The following ST6GAL1 variants were observed in gnomAD, a reference collection of about 807,000 sequenced individuals.
ST6GAL1 encodes the protein beta-galactoside alpha-2,6-sialyltransferase 1.
ST6GAL1 carries 20 observed loss-of-function variants against 38.0 expected under a neutral mutation model. The ratio of observed to expected loss-of-function variants is 0.53; its 90% confidence interval spans 0.37 to 0.77. The LOEUF is 0.77. Ranked by LOEUF, ST6GAL1 falls within the 30% of genes least tolerant of loss-of-function variation. The pLI is 0.00. For missense variants in ST6GAL1, 432 were observed against 496.4 expected, an observed-to-expected ratio of 0.87 and a Z score of 1.23; for synonymous variants, 196 against 188.2, an observed-to-expected ratio of 1.04 and a Z score of -0.34.
chr3:186,953,216 T>C (rs1205164412), intron 1 of ST6GAL1, among the ~76,000 whole-genome samples: 3 of 152,144 alleles, frequency 2.0e-5, no homozygotes, highest in Admixed American at 6.5e-5. Flanking sequence ...AGGAAAGGCT[T>C]CCTCTTTTAC....
chr3:187,025,670 G>C (rs1717510446), intron 2 of ST6GAL1, among the ~76,000 whole-genome samples: 1 of 152,156 alleles, frequency 6.6e-6, no homozygotes, highest in Non-Finnish European at 1.5e-5. Context: ...AAGTCTGTCT[G>C]TCTGTGCATG....
At chr3:186,960,296 T>G (rs1229632397) in intron 1 of ST6GAL1, among the ~76,000 whole-genome samples, 1 of 152,118 alleles carries the variant, frequency 6.6e-6, no homozygotes, top group Admixed American at 6.5e-5. Context: ...GAAAGGGGAT[T>G]GGCTGAGCTG....
At chr3:187,027,388 A>G (rs920705673) in intron 2 of ST6GAL1, among the ~76,000 whole-genome samples, 8 of 152,098 alleles carry the variant, frequency 5.3e-5, no homozygotes, top group African/African-American at 1.9e-4. Flanking sequence ...CAGATTTCCA[A>G]CTTCCCCCCA....
chr3:187,025,435 T>G (rs2108568757), intron 2 of ST6GAL1: 1 of 151,646 alleles, frequency 6.6e-6, no homozygotes, highest in Admixed American at 6.6e-5. Context: ...AGGGGTGAAG[T>G]GTTTTTTCCA....
chr3:186,969,999 A>G (rs865988786), intron 2 of ST6GAL1, among the ~76,000 whole-genome samples: 4 of 152,152 alleles, frequency 2.6e-5, no homozygotes, highest in Admixed American at 6.5e-5. Flanking sequence ...AAACGATTGT[A>G]GATGCACAGG....
intron 4 of ST6GAL1, among the ~76,000 whole-genome samples, chr3:187,048,880 ATTTTTTTTTTTT>A (rs374148828): frequency 0.38 from 44,350 of 116,214 alleles, 7,717 homozygotes; most frequent in Admixed American, 0.5. Context: ...GAGAAATTGA[ATTTTTTTTTTTT>A]TTTTTTTTTT....
intron 5 of ST6GAL1, among the ~76,000 whole-genome samples, chr3:187,060,110 G>A (rs1307234564): frequency 6.6e-6 from 1 of 152,164 alleles, no homozygotes; most frequent in Non-Finnish European, 1.5e-5. Flanking sequence ...TATGTGGTGA[G>A]AGACAAGGCT....
At chr3:187,040,179 A>G (rs1718079092) in intron 3 of ST6GAL1, among the ~76,000 whole-genome samples, 1 of 152,236 alleles carries the variant, frequency 6.6e-6, no homozygotes, top group African/African-American at 2.4e-5. Flanking sequence ...CTCAGCTATA[A>G]ATGGAGCTCA....
chr3:186,939,098 G>A (rs1714070803), intron 1 of ST6GAL1, among the ~76,000 whole-genome samples: 1 of 147,120 alleles, frequency 6.8e-6, no homozygotes, highest in Non-Finnish European at 1.5e-5. Flanking sequence ...TTTTGAGACA[G>A]GGTCTCGCAC....
At chr3:186,965,817 A>T (rs1369341431) in intron 2 of ST6GAL1, among the ~76,000 whole-genome samples, 1 of 152,152 alleles carries the variant, frequency 6.6e-6, no homozygotes, top group Admixed American at 6.5e-5. Flanking sequence ...GTCCCAGTGT[A>T]CTTCCTGAGG....
chr3:186,978,157 G>C (rs1449737950), intron 2 of ST6GAL1, among the ~76,000 whole-genome samples: 1 of 152,186 alleles, frequency 6.6e-6, no homozygotes, highest in Non-Finnish European at 1.5e-5. Context: ...GTTGCAGTGA[G>C]CTGAGATCAT....
At chr3:186,990,593 C>T (rs1239631912) in intron 2 of ST6GAL1, among the ~76,000 whole-genome samples, 3 of 151,784 alleles carry the variant, frequency 2.0e-5, no homozygotes, top group Non-Finnish European at 2.9e-5. Flanking sequence ...CTCACCTCAA[C>T]CCCAGCCGCC....
intron 2 of ST6GAL1, among the ~76,000 whole-genome samples, chr3:186,999,549 C>G (rs975014158): frequency 6.6e-6 from 1 of 151,900 alleles, no homozygotes; most frequent in African/African-American, 2.4e-5. Context: ...GTAGCTGGGA[C>G]TACAGGAGTG....
rs113241486 is a variant in ST6GAL1, at chr3:186,945,213, T to G, written c.-325+14379T>G. On this transcript the variant is annotated intron_variant, in intron 1 of 7. Coordinates refer to ENST00000169298, the MANE Select transcript of ST6GAL1 (RefSeq NM_173216.2). ...GTCCTAGCTACTTGGAAGACTGATG[T>G]GGGAGGATCCCTTGCCCAGGAGCTC... Among the ~76,000 whole-genome samples the G allele has an allele frequency of 9.9e-3, 1,494 of 151,674 alleles. 26 individuals are homozygous for G. The highest frequency in any genetic ancestry group is 0.034 in the African/African-American group (1,423 of 41,278).
intron 5 of ST6GAL1, among the ~76,000 whole-genome samples, chr3:187,063,762 T>C (rs1317159747): frequency 6.6e-6 from 1 of 152,208 alleles, no homozygotes; most frequent in Non-Finnish European, 1.5e-5. Context: ...TGCCTGGGAA[T>C]TAAGAGTACT....
rs935977142 is a variant in ST6GAL1, at chr3:187,075,969, G to C, written c.*166G>C. ...TCAAGAGCCTGTGGTCAGGAAATCA[G>C]GTCCAGCCTTCCCTGTAGCCAGACA... On this transcript the variant is annotated 3_prime_UTR_variant, in exon 8 of 8. Transcript: ENST00000169298. The surrounding 1 kb of genome is among the most constrained non-coding windows in gnomAD (Gnocchi z 4.1). The C allele has an allele frequency of 1.8e-5, 19 of 1,049,498 alleles. No individual in the cohort carries two copies. In the South Asian group the frequency reaches 3.1e-4, roughly 17 times the overall value. 65.0% of individuals were successfully genotyped at this position (1,049,498 alleles called of 1,614,324 possible). A position where few individuals can be genotyped will look rare whatever the true frequency, so the allele number is the denominator to read the frequency against.
intron 2 of ST6GAL1, among the ~76,000 whole-genome samples, chr3:187,031,585 G>A (rs189427596): frequency 1.6e-3 from 239 of 152,010 alleles, no homozygotes; most frequent in African/African-American, 5.4e-3. Flanking sequence ...ACAGACACAC[G>A]TCACCACGCC....
intron 5 of ST6GAL1, among the ~76,000 whole-genome samples, chr3:187,069,821 A>C (rs977104103): frequency 1.3e-5 from 2 of 152,192 alleles, no homozygotes; most frequent in African/African-American, 4.8e-5. Context: ...TACACACTGT[A>C]CTAGTTGTTC....
intron 2 of ST6GAL1, among the ~76,000 whole-genome samples, chr3:187,017,846 G>A (rs571427002): frequency 6.6e-6 from 1 of 152,330 alleles, no homozygotes; most frequent in African/African-American, 2.4e-5. Flanking sequence ...TGATATTTAA[G>A]AAGACATTAG....
Sources: gnomAD v4.1 joint callset for allele counts (sites outside exome capture counted in the v4.1 genomes callset) on GRCh38, gnomAD v4.1.1 for gene constraint, Gnocchi (gnomAD v3.1) non-coding constraint, MANE v1.5 for transcripts, NCBI Gene and HGNC (gene_info 2026-07-23, HGNC 2026-07-21) for gene names.